The following STXBP5 variants were observed in gnomAD, a reference collection of about 807,000 sequenced individuals.
The protein encoded by STXBP5 is syntaxin binding protein 5, also known as syntaxin-binding protein 5.
A neutral mutation model predicts 152.4 loss-of-function variants in STXBP5; 50 were observed. That is an observed-to-expected ratio of 0.33 (90% CI 0.26 to 0.42). The LOEUF is 0.42. STXBP5 is among the 10% of genes least tolerant of loss of function. The pLI, the probability that STXBP5 is intolerant of heterozygous loss-of-function variation, is 1.00. For missense variants in STXBP5, 1,167 were observed against 1,388.6 expected (o/e 0.84, Z 2.54); for synonymous variants, 492 against 494.7 (o/e 0.99, Z 0.07).
intron 16 of STXBP5, among the ~76,000 whole-genome samples, chr6:147,319,828 C>CTT (rs55948948): frequency 5.9e-4 from 42 of 71,612 alleles, no homozygotes; most frequent in Admixed American, 1.8e-3. Context: ...TATCTGGATT[C>CTT]TTTTTTTTTT....
chr6:147,220,796 G>T (rs984185632), intron 2 of STXBP5, among the ~76,000 whole-genome samples: 2 of 151,936 alleles, frequency 1.3e-5, no homozygotes, highest in African/African-American at 4.8e-5. Flanking sequence ...CGTATAGCTG[G>T]GTCTTAGTTT....
At chr6:147,384,535 C>T (rs960329521) in intron 27 of STXBP5, among the ~76,000 whole-genome samples, 179 bp from the exon 28 acceptor site, 1 of 152,054 alleles carries the variant, frequency 6.6e-6, no homozygotes, top group Non-Finnish European at 1.5e-5. Flanking sequence ...TAATGGATAT[C>T]GTATTTTTTC....
intron 8 of STXBP5, among the ~76,000 whole-genome samples, chr6:147,286,611 CA>C (rs1399192446): frequency 6.6e-6 from 1 of 152,012 alleles, no homozygotes; most frequent in East Asian, 1.9e-4. Context: ...TCAAAATACA[CA>C]TCAGAAAATA....
chr6:147,249,709 AAG>A (rs34590257), intron 4 of STXBP5, among the ~76,000 whole-genome samples: 74,459 of 151,766 alleles, frequency 0.49, 18,474 homozygotes, highest in East Asian at 0.73. Context: ...CAGCTGGCAA[AAG>A]AGAGAGATTG....
intron 26 of STXBP5, among the ~76,000 whole-genome samples, chr6:147,374,084 C>T (rs570690545): frequency 3.3e-5 from 5 of 152,116 alleles, no homozygotes; most frequent in Non-Finnish European, 5.9e-5. Context: ...GTATTCACAA[C>T]TTTAAGTAAA....
intron 2 of STXBP5, among the ~76,000 whole-genome samples, chr6:147,206,687 AT>A (rs1181907832): frequency 2.0e-5 from 3 of 152,134 alleles, no homozygotes; most frequent in African/African-American, 7.2e-5. Context: ...TTTGTTATGT[AT>A]TTGTAAAAAC....
chr6:147,270,259 C>T (rs956099768), intron 7 of STXBP5, among the ~76,000 whole-genome samples: 7 of 151,610 alleles, frequency 4.6e-5, no homozygotes, highest in Non-Finnish European at 8.8e-5. Flanking sequence ...ATTAGCTGGG[C>T]GTGGTGGCAG....
At chr6:147,327,412 C>A (rs1031212418) in intron 18 of STXBP5, 136 bp downstream of exon 18, 4 of 1,059,226 alleles carry the variant, frequency 3.8e-6, no homozygotes, top group Non-Finnish European at 5.2e-6. Context: ...CAAAAACTAG[C>A]AAAAGTTGTG....
chr6:147,294,275 C>T (rs1367375151), intron 9 of STXBP5, among the ~76,000 whole-genome samples: 1 of 151,860 alleles, frequency 6.6e-6, no homozygotes, highest in Non-Finnish European at 1.5e-5. Flanking sequence ...GTCTGAATCC[C>T]ACCTCAGGTG....
intron 4 of STXBP5, among the ~76,000 whole-genome samples, chr6:147,242,378 A>G (rs568239050): frequency 1.4e-4 from 21 of 152,214 alleles, no homozygotes; most frequent in Middle Eastern, 3.4e-3. Flanking sequence ...TTATTATTGA[A>G]GAAAGAAATT....
chr6:147,227,911 T>G (rs1333338517), intron 2 of STXBP5, among the ~76,000 whole-genome samples: 1 of 152,150 alleles, frequency 6.6e-6, no homozygotes, highest in Non-Finnish European at 1.5e-5. Flanking sequence ...CCCACTTCCC[T>G]TATGCATTGG....
Position 147,318,932 on chromosome 6 carries a change from C to T in STXBP5, c.1802+2525C>T, listed in dbSNP as rs117403372. Among the ~76,000 whole-genome samples the T allele has an allele frequency of 1.9e-3, 295 of 152,096 alleles. 10 individuals are homozygous for T. The East Asian group carries it at 0.051, about 26-fold the overall frequency. ...AACTTACTGAATTTAATCAACTTAA[C>T]GTGATTTTGTCACAGTTTTCTAGAG... is the stretch of plus-strand genomic sequence containing the variant. On this transcript the variant is annotated intron_variant, in intron 16 of 27. Transcript: ENST00000321680.
At chr6:147,315,796 G>A in intron 15 of STXBP5, 61 bp downstream of exon 15, 1 of 1,505,386 alleles carries the variant, frequency 6.6e-7, no homozygotes, top group Middle Eastern at 1.7e-4. Flanking sequence ...TTAAATTTGT[G>A]GATGATTTGG....
At chr6:147,360,708 G>T (rs1046447753) in intron 23 of STXBP5, among the ~76,000 whole-genome samples, 1 of 152,146 alleles carries the variant, frequency 6.6e-6, no homozygotes, top group Non-Finnish European at 1.5e-5. Flanking sequence ...AAGGTGACTT[G>T]AGAGCAAATT....
intron 26 of STXBP5, among the ~76,000 whole-genome samples, chr6:147,375,736 A>C (rs1316152185): frequency 1.3e-5 from 2 of 151,754 alleles, no homozygotes; most frequent in Admixed American, 6.6e-5. Context: ...AAAAATTTTC[A>C]ATTAACTAAT....
At position 147,382,968 on chromosome 6, in the gene STXBP5, T is replaced by C. The variant is rs1786164298; in HGVS notation, c.3384T>C (p.Ser1128=). Residue 1128 remains serine (S), a synonymous_variant, in exon 27 of 28, where the codon AGT becomes AGC. Transcript: ENST00000321680. The part of the protein sequence containing the change: ...LEERTAAMLS[S]AESFSKHAHE... ...AAAGAACTGCGGCCATGTTATCAAG[T>C]GCAGAGTCATTTTCTAAACATGCTC... The C allele has an allele frequency of 6.2e-7, 1 of 1,613,284 alleles. No homozygotes were observed. Among genetic ancestry groups the C allele is most frequent in the South Asian group, 1.1e-5 (1 of 91,080 alleles).
chr6:147,387,527 G>A lies in STXBP5; in HGVS notation c.*2772G>A, dbSNP rs1786398258. On this transcript the variant is annotated 3_prime_UTR_variant, in exon 28 of 28. Transcript: ENST00000321680. ...AAACTAAAATCCATATGTATTTGCT[G>A]AGAAAGTTATTTGAAATCTTATATT... The A allele has an allele frequency of 1.3e-5, 2 of 151,690 alleles. No individual in the cohort carries two copies. The highest frequency in any genetic ancestry group is 3.0e-5 in the Non-Finnish European group (2 of 67,734). 9.4% of individuals were successfully genotyped at this position (151,690 alleles called of 1,614,324 possible).
intron 7 of STXBP5, among the ~76,000 whole-genome samples, chr6:147,273,438 A>T (rs932582343): frequency 3.3e-5 from 5 of 152,144 alleles, no homozygotes; most frequent in African/African-American, 9.7e-5. Flanking sequence ...CTGATATTTT[A>T]AGACAATAAT....
At chr6:147,325,143 T>A in intron 17 of STXBP5, 59 bp downstream of exon 17, 2 of 1,329,154 alleles carry the variant, frequency 1.5e-6, no homozygotes, top group Non-Finnish European at 2.0e-6. Context: ...TGTCATTTTG[T>A]TTTTAAAAAT....
Sources: gnomAD v4.1 joint callset for allele counts (sites outside exome capture counted in the v4.1 genomes callset) on GRCh38, gnomAD v4.1.1 for gene constraint, MANE v1.5 for transcripts, NCBI Gene and HGNC (gene_info 2026-07-23, HGNC 2026-07-21) for gene names.